The following HSD17B12 variants were observed in gnomAD, a reference collection of about 807,000 sequenced individuals.
HSD17B12 encodes very-long-chain 3-oxoacyl-CoA reductase.
In HSD17B12, 32 loss-of-function variants were observed where a neutral mutation model predicts 39.3. The ratio of observed to expected loss-of-function variants is 0.81; its 90% CI spans 0.61 to 1.09. The LOEUF (loss-of-function observed/expected upper bound fraction) is 1.09, where lower values mean the gene tolerates loss of function less well. HSD17B12 is among the 50% of genes least tolerant of loss of function. The pLI, the probability that HSD17B12 is intolerant of heterozygous loss-of-function variation, is 0.00. For synonymous variants in HSD17B12, 150 were observed against 146.7 expected (o/e 1.02, Z -0.16); for missense variants, 342 against 382.9 (o/e 0.89, Z 0.89).
the HSD17B12 span, among the ~76,000 whole-genome samples, chr11:43,642,664 A>G: frequency 1.3e-5 from 2 of 151,898 alleles, no homozygotes; most frequent in Middle Eastern, 3.2e-3. Flanking sequence ...GAGAGGGGAA[A>G]AAAACAGAGC....
intron 3 of HSD17B12, among the ~76,000 whole-genome samples, chr11:43,777,895 T>C (rs557797896): frequency 1.7e-3 from 251 of 152,068 alleles, no homozygotes; most frequent in African/African-American, 5.9e-3. Flanking sequence ...AGATCCAAAA[T>C]TGACACCCTG....
the HSD17B12 span, among the ~76,000 whole-genome samples, chr11:43,610,128 T>C: frequency 6.6e-6 from 1 of 152,232 alleles, no homozygotes; most frequent in Non-Finnish European, 1.5e-5. Context: ...TATTTTTCCC[T>C]TTTAGTCACT....
chr11:43,578,074 A>G, the HSD17B12 span, among the ~76,000 whole-genome samples: 1 of 152,208 alleles, frequency 6.6e-6, no homozygotes, highest in South Asian at 2.1e-4. Flanking sequence ...GATTAACTCC[A>G]GGAGAGGGAG....
upstream of HSD17B12, among the ~76,000 whole-genome samples, chr11:43,677,175 AGG>A (rs1241670274): frequency 1.3e-5 from 2 of 152,154 alleles, no homozygotes; most frequent in South Asian, 4.1e-4. Context: ...AGAATGGAGA[AGG>A]GGGGGTTTGG....
the HSD17B12 span, among the ~76,000 whole-genome samples, chr11:43,635,056 A>C: frequency 6.6e-6 from 1 of 152,198 alleles, no homozygotes; most frequent in Non-Finnish European, 1.5e-5. Context: ...AATTTCCTTT[A>C]AAGTTATCTC....
At chr11:43,594,146 C>T in the HSD17B12 span, among the ~76,000 whole-genome samples, 3 of 152,098 alleles carry the variant, frequency 2.0e-5, no homozygotes, top group African/African-American at 4.8e-5. Flanking sequence ...TGAGTCATAA[C>T]GATAGTTAAC....
At chr11:43,595,737 G>A in the HSD17B12 span, among the ~76,000 whole-genome samples, 6 of 152,120 alleles carry the variant, frequency 3.9e-5, no homozygotes, top group Admixed American at 2.0e-4. Flanking sequence ...CTGAATAAAC[G>A]AAAAATAATT....
chr11:43,661,953 G>C, the HSD17B12 span, among the ~76,000 whole-genome samples: 1 of 152,076 alleles, frequency 6.6e-6, no homozygotes, highest in Non-Finnish European at 1.5e-5. Context: ...GATAAATGAG[G>C]GTTAAGTGGG....
the HSD17B12 span, among the ~76,000 whole-genome samples, chr11:43,617,122 C>T: frequency 6.6e-6 from 1 of 152,112 alleles, no homozygotes; most frequent in African/African-American, 2.4e-5. Flanking sequence ...ATACTGGGCT[C>T]TTTTAGCATC....
At chr11:43,638,349 G>A in the HSD17B12 span, among the ~76,000 whole-genome samples, 2 of 152,082 alleles carry the variant, frequency 1.3e-5, no homozygotes, top group African/African-American at 2.4e-5. Flanking sequence ...AAGGGAAAGC[G>A]GACATTCCTT....
chr11:43,695,222 T>C (rs1949899500), intron 1 of HSD17B12, among the ~76,000 whole-genome samples: 1 of 152,124 alleles, frequency 6.6e-6, no homozygotes. Context: ...AAATATCTTC[T>C]GAATACCAGG....
At chr11:43,711,778 A>G (rs148995611) in intron 1 of HSD17B12, among the ~76,000 whole-genome samples, 3 of 152,278 alleles carry the variant, frequency 2.0e-5, no homozygotes, top group African/African-American at 7.2e-5. Context: ...CCCGGCCTAC[A>G]GTGTGATGTA....
the HSD17B12 span, chr11:43,569,943 A>C: frequency 6.6e-6 from 1 of 152,562 alleles, no homozygotes; most frequent in African/African-American, 2.4e-5. Context: ...ATCCACCACC[A>C]ACTCAGCTCC....
chr11:43,671,679 T>C, the HSD17B12 span, among the ~76,000 whole-genome samples: 1 of 152,236 alleles, frequency 6.6e-6, no homozygotes, highest in African/African-American at 2.4e-5. Flanking sequence ...AGAAAGAAAG[T>C]TGTTGAATTA....
the HSD17B12 span, among the ~76,000 whole-genome samples, chr11:43,572,667 T>C: frequency 6.6e-6 from 1 of 152,200 alleles, no homozygotes; most frequent in African/African-American, 2.4e-5. Flanking sequence ...AAGGGGTAGG[T>C]ACCATTATCA....
the HSD17B12 span, chr11:43,578,798 G>C: frequency 2.0e-5 from 3 of 151,908 alleles, no homozygotes; most frequent in African/African-American, 7.3e-5. Context: ...CAAGAAGGGG[G>C]CGGAGGGACA....
At chr11:43,770,734 CAAAAGA>C (rs1950641345) in intron 3 of HSD17B12, among the ~76,000 whole-genome samples, 1 of 152,006 alleles carries the variant, frequency 6.6e-6, no homozygotes, top group African/African-American at 2.4e-5. Context: ...GACCCTGTCT[CAAAAGA>C]AAAAGAAAAA....
chr11:43,581,575 C>T, the HSD17B12 span: 2 of 403,430 alleles, frequency 5.0e-6, no homozygotes, highest in Non-Finnish European at 1.0e-5. This position sits in a 1 kb window ranked among gnomAD's most constrained non-coding sequence, Gnocchi z 4.9. Context: ...GCCCTTTCCC[C>T]GTTTTCCACG....
chr11:43,807,902 A>G (rs1012048490), intron 4 of HSD17B12, among the ~76,000 whole-genome samples: 1 of 152,182 alleles, frequency 6.6e-6, no homozygotes, highest in Non-Finnish European at 1.5e-5. Flanking sequence ...CCACCATGCT[A>G]ATGAATTTCA....
Sources: allele counts gnomAD v4.1 joint callset (sites outside exome capture counted in the v4.1 genomes callset), GRCh38; gene constraint gnomAD v4.1.1; non-coding constraint Gnocchi (gnomAD v3.1); transcripts MANE v1.5; gene names NCBI Gene and HGNC (gene_info 2026-07-23, HGNC 2026-07-21).